Variants in SLC39A8 observed in about 807,000 individuals in gnomAD.
SLC39A8 encodes the protein solute carrier family 39 member 8, also known as metal cation symporter ZIP8.
A neutral mutation model predicts 40.4 loss-of-function variants in SLC39A8; 15 were observed. That is an observed-to-expected ratio of 0.37 (90% CI 0.25 to 0.57). The LOEUF (loss-of-function observed/expected upper bound fraction) is 0.57. SLC39A8 is among the 20% of genes least tolerant of loss of function. The probability of loss-of-function intolerance (pLI) is 0.75; values close to 1 mark genes in which losing one functional copy is unlikely to be tolerated. For synonymous variants in SLC39A8, 223 were observed against 221.6 expected (o/e 1.01, Z -0.06); for missense variants, 472 against 558.8 (o/e 0.84, Z 1.57).
At chr4:102,298,949 C>T (rs1733790076) in intron 6 of SLC39A8, among the ~76,000 whole-genome samples, 1 of 152,020 alleles carries the variant, frequency 6.6e-6, no homozygotes, top group South Asian at 2.1e-4. Flanking sequence ...AGTAGAACCT[C>T]AAGTCCTTCC....
At chr4:102,285,777 AGAATCCTTACTTT>A (rs1684043297) in intron 6 of SLC39A8, among the ~76,000 whole-genome samples, 1 of 152,114 alleles carries the variant, frequency 6.6e-6, no homozygotes, top group South Asian at 2.1e-4. Context: ...TTTTTGATTT[AGAATCCTTACTTT>A]GAATATATAG....
intron 2 of SLC39A8, among the ~76,000 whole-genome samples, chr4:102,342,457 C>A (rs1380580081): frequency 6.6e-6 from 1 of 152,098 alleles, no homozygotes; most frequent in East Asian, 1.9e-4. Flanking sequence ...GAGATCGTGC[C>A]ATTGCACTCC....
chr4:102,301,184 A>G (rs1733908957), intron 6 of SLC39A8, among the ~76,000 whole-genome samples: 1 of 151,936 alleles, frequency 6.6e-6, no homozygotes, highest in African/African-American at 2.4e-5. Context: ...ACCTAGGTTT[A>G]TAATTCCACA....
At chr4:102,299,490 C>T (rs545003614) in intron 6 of SLC39A8, among the ~76,000 whole-genome samples, 15 of 152,040 alleles carry the variant, frequency 9.9e-5, no homozygotes, top group Middle Eastern at 3.4e-3. Context: ...TAGAATAATG[C>T]CAAGTATATG....
chr4:102,322,345 A>T (rs954642257), intron 2 of SLC39A8, among the ~76,000 whole-genome samples: 1 of 152,216 alleles, frequency 6.6e-6, no homozygotes, highest in African/African-American at 2.4e-5. Flanking sequence ...ATGTGGGCCA[A>T]TGAATTCCCT....
In SLC39A8 at chr4:102,304,098, A is replaced by C. The variant is rs985989; in HGVS notation, c.840+219T>G. On this transcript the variant is annotated intron_variant, in intron 6 of 8. Coordinates refer to ENST00000356736, the MANE Select transcript of SLC39A8 (RefSeq NM_001135146.2). ...ATCTTAGAGAATAATGAAGTCCAGA[A>C]CAGTGATCCACAATTTCTTTCTTAA... Among the ~76,000 whole-genome samples, 113,902 of 151,632 alleles carry C rather than the reference A, an allele frequency of 0.75. 44,681 individuals are homozygous for C. The highest frequency in any genetic ancestry group is 0.95 in the African/African-American group (39,208 of 41,472).
chr4:102,275,422 GA>G, intron 6 of SLC39A8, among the ~76,000 whole-genome samples: 1 of 152,268 alleles, frequency 6.6e-6, no homozygotes, highest in East Asian at 1.9e-4. Context: ...AATGCAGCAA[GA>G]AGAGCTAACT....
chr4:102,282,957 A>G (rs1732969985), intron 6 of SLC39A8, among the ~76,000 whole-genome samples: 1 of 151,980 alleles, frequency 6.6e-6, no homozygotes, highest in Admixed American at 6.6e-5. Flanking sequence ...CGATCTCTTG[A>G]CCTCATGATC....
Position 102,268,051 on chromosome 4 carries a change from G to A in SLC39A8, c.869C>T (p.Thr290Ile). 6 of 1,614,166 alleles carry A rather than the reference G, an allele frequency of 3.7e-6. No individual in the cohort carries two copies. The highest frequency in any genetic ancestry group is 2.2e-5 in the South Asian group (2 of 91,060). ...TGACAGTTTGGGCCCCTTCAAACAG[G>A]TACATGAACTTGGCTCTTTTTTTCC... The part of the protein sequence containing the change: ...QDGKKEPSSC[T>I]CLKGPKLSEI... The change falls in exon 7 of 9, where the codon ACC becomes ATC. Residue 290 changes from threonine (T) to isoleucine (I), a missense_variant. Transcript: ENST00000356736.
At chr4:102,304,509 T>A (rs1487612723) in intron 5 of SLC39A8, 28 bp from the exon 6 acceptor site, 3 of 1,574,754 alleles carry the variant, frequency 1.9e-6, no homozygotes, top group Middle Eastern at 1.7e-4. Flanking sequence ...CCAAAGAGAT[T>A]ATAAGAAGAA....
intron 2 of SLC39A8, among the ~76,000 whole-genome samples, chr4:102,337,996 T>A (rs1304593273): frequency 6.6e-6 from 1 of 152,158 alleles, no homozygotes; most frequent in Non-Finnish European, 1.5e-5. Context: ...CCAAATTGAC[T>A]GAGTTATAAC....
intron 6 of SLC39A8, among the ~76,000 whole-genome samples, chr4:102,302,227 C>T (rs1471796072): frequency 6.6e-6 from 1 of 151,986 alleles, no homozygotes; most frequent in Middle Eastern, 3.2e-3. Context: ...TCCATCAGAG[C>T]AAGAATTCAA....
chr4:102,310,358 A>C (rs1734379868), intron 3 of SLC39A8, among the ~76,000 whole-genome samples: 1 of 152,072 alleles, frequency 6.6e-6, no homozygotes, highest in South Asian at 2.1e-4. Flanking sequence ...TTTATCACTG[A>C]TATATTTGCC....
intron 6 of SLC39A8, among the ~76,000 whole-genome samples, chr4:102,271,560 G>A (rs1379810928): frequency 6.6e-6 from 1 of 152,180 alleles, no homozygotes; most frequent in Non-Finnish European, 1.5e-5. Flanking sequence ...GGCTGATGCT[G>A]AGCCCCCAAA....
intron 11 of SLC39A8, among the ~76,000 whole-genome samples, chr4:102,254,675 G>A (rs1433886706): frequency 1.3e-5 from 2 of 152,178 alleles, no homozygotes; most frequent in South Asian, 2.1e-4. Flanking sequence ...ATGAAGTGTA[G>A]CCTAGATTCA....
chr4:102,302,739 C>T (rs1182687895), intron 6 of SLC39A8, among the ~76,000 whole-genome samples: 1 of 151,988 alleles, frequency 6.6e-6, no homozygotes, highest in Non-Finnish European at 1.5e-5. Flanking sequence ...CTCCTAATTA[C>T]AACAGCACTT....
Position 102,304,487 on chromosome 4 carries a change from T to C in SLC39A8, c.676-6A>G. 2 of 1,605,980 alleles carry C rather than the reference T, an allele frequency of 1.2e-6. No individual in the cohort carries two copies. Among genetic ancestry groups the C allele is most frequent in the Non-Finnish European group, 1.7e-6 (2 of 1,175,762 alleles). On this transcript the variant is annotated splice_polypyrimidine_tract_variant and splice_region_variant and intron_variant, in intron 5 of 8. Transcript: ENST00000356736. ...CCAAAGTGGGTATGACCATTCTATA[T>C]GGGAACAAAAACCAAAGAGATTATA... is the stretch of plus-strand genomic sequence containing the variant.
At chr4:102,277,301 T>TA (rs1161740974) in intron 6 of SLC39A8, among the ~76,000 whole-genome samples, 1 of 152,124 alleles carries the variant, frequency 6.6e-6, no homozygotes, top group African/African-American at 2.4e-5. Context: ...TCTCAAGATA[T>TA]AAAATCAATG....
At chr4:102,256,474 T>G (rs1731710798) in intron 11 of SLC39A8, among the ~76,000 whole-genome samples, 2 of 152,230 alleles carry the variant, frequency 1.3e-5, no homozygotes, top group Non-Finnish European at 2.9e-5. Flanking sequence ...GTCTTTTATC[T>G]AGTCAAAAGA....
Sources: gnomAD v4.1 joint callset for allele counts (sites outside exome capture counted in the v4.1 genomes callset) on GRCh38, gnomAD v4.1.1 for gene constraint, MANE v1.5 for transcripts, NCBI Gene and HGNC (gene_info 2026-07-23, HGNC 2026-07-21) for gene names.